The following GRIP1 variants were observed in gnomAD, a reference collection of about 807,000 sequenced individuals.
The protein encoded by GRIP1 is glutamate receptor interacting protein 1, also known as glutamate receptor-interacting protein 1.
GRIP1 carries 45 observed loss-of-function variants against 129.9 expected under a neutral mutation model. The observed-to-expected ratio is 0.35, with a 90% CI of 0.27 to 0.44. The LOEUF (loss-of-function observed/expected upper bound fraction) is 0.44, where lower values mean the gene tolerates loss of function less well. GRIP1 is among the 20% of genes least tolerant of loss of function. The probability of loss-of-function intolerance (pLI) is 1.00; values close to 1 mark genes in which losing one functional copy is unlikely to be tolerated. For missense variants in GRIP1, 1,196 were observed against 1,396.8 expected (o/e 0.86, Z 2.29); for synonymous variants, 530 against 520.8 (o/e 1.02, Z -0.24).
intron 2 of GRIP1, among the ~76,000 whole-genome samples, chr12:66,574,128 G>A (rs2063059203): frequency 6.6e-6 from 1 of 152,198 alleles, no homozygotes; most frequent in South Asian, 2.1e-4. Context: ...TAGGCTCTGT[G>A]TGGTATCAGC....
At chr12:66,678,474 T>C (rs1383566993) in intron 1 of GRIP1, among the ~76,000 whole-genome samples, 3 of 152,272 alleles carry the variant, frequency 2.0e-5, no homozygotes, top group African/African-American at 7.2e-5. Context: ...CTGCATTTAG[T>C]ATATGTATCA....
intron 1 of GRIP1, among the ~76,000 whole-genome samples, chr12:66,834,576 A>G (rs2039576731): frequency 6.6e-6 from 1 of 152,190 alleles, no homozygotes; most frequent in Admixed American, 6.5e-5. Context: ...AAAAGCCAAT[A>G]TGTTATCATT....
chr12:67,048,293 T>C (rs1354064967), intron 1 of GRIP1, among the ~76,000 whole-genome samples: 1 of 152,180 alleles, frequency 6.6e-6, no homozygotes, highest in East Asian at 1.9e-4. Flanking sequence ...AACATATACA[T>C]TGTAGAAACA....
chr12:66,450,794 G>GA (rs375041731), intron 11 of GRIP1, among the ~76,000 whole-genome samples: 1 of 151,754 alleles, frequency 6.6e-6, no homozygotes, highest in African/African-American at 2.4e-5. Flanking sequence ...TACCAGATAT[G>GA]AAAAAGATAT....
intron 1 of GRIP1, among the ~76,000 whole-genome samples, chr12:66,651,918 A>C (rs772097109): frequency 6.6e-6 from 1 of 152,124 alleles, no homozygotes; most frequent in Non-Finnish European, 1.5e-5. Flanking sequence ...AATGTACACC[A>C]TATTTTGAGA....
intron 7 of GRIP1, among the ~76,000 whole-genome samples, chr12:66,511,987 G>A (rs1254149229): frequency 1.3e-5 from 2 of 152,082 alleles, no homozygotes; most frequent in African/African-American, 4.8e-5. Context: ...CTGTTCTCAT[G>A]ATAGTGAGTG....
upstream of GRIP1, chr12:66,679,226 C>A: frequency 1.0e-6 from 1 of 968,248 alleles, no homozygotes; most frequent in Non-Finnish European, 1.4e-6. Flanking sequence ...TGTGAGGAGC[C>A]ATTCCATAAA....
At chr12:66,660,954 T>G (rs57326341) in intron 1 of GRIP1, among the ~76,000 whole-genome samples, 21,693 of 151,988 alleles carry the variant, frequency 0.14, 1,592 homozygotes, top group Admixed American at 0.16. Flanking sequence ...ATTATACAAA[T>G]ATATCATCTT....
At chr12:66,481,252 G>GA (rs150481355) in intron 7 of GRIP1, among the ~76,000 whole-genome samples, 38,540 of 138,700 alleles carry the variant, frequency 0.28, 5,328 homozygotes, top group Middle Eastern at 0.46. Context: ...AAATTCACAA[G>GA]AAAAAAAAAG....
chr12:67,032,815 C>T lies in GRIP1; in HGVS notation c.58+36235G>A, dbSNP rs77242523. 4.3e-3 allele frequency among the ~76,000 whole-genome samples: 656 copies of T among 152,076 alleles called. 8 individuals carry two copies. Among genetic ancestry groups the T allele is most frequent in the African/African-American group, 0.015 (607 of 41,488 alleles). The stretch of plus-strand genomic sequence containing the variant: ...ATGAAAGGTTCAAATGGAAGCAACA[C>T]GTATAATCTTAAATATTTCAGGAGC... On this transcript the variant is annotated intron_variant, in intron 1 of 1. Transcript: ENST00000643019.
At position 66,726,816 on chromosome 12, in the gene GRIP1, T is replaced by C. The variant is rs532103281; in HGVS notation, c.-420+77237A>G. On this transcript the variant is annotated intron_variant, in intron 1 of 4. Coordinates refer to the GRIP1 transcript ENST00000538373. ...TTAGCCACTATCTTCATTCTGCCCATTAAGTAAGATCGGCTGGATCCTAAA... is the reference window on the plus strand; with the variant it reads ...TTAGCCACTATCTTCATTCTGCCCACTAAGTAAGATCGGCTGGATCCTAAA... Among the ~76,000 whole-genome samples the C allele has an allele frequency of 2.6e-5, 4 of 152,324 alleles. No homozygotes were observed. In the East Asian group the frequency reaches 7.7e-4, roughly 29 times the overall value.
chr12:66,788,940 T>C (rs566918552), intron 1 of GRIP1, among the ~76,000 whole-genome samples: 1 of 152,248 alleles, frequency 6.6e-6, no homozygotes, highest in Non-Finnish European at 1.5e-5. Context: ...TGGGGTAATT[T>C]GTCATGCAGC....
chr12:66,406,243 A>G, intron 16 of GRIP1, 40 bp downstream of exon 16: 2 of 1,599,326 alleles, frequency 1.3e-6, no homozygotes, highest in Non-Finnish European at 1.7e-6. Context: ...ACAGATGGGC[A>G]GTTCGAAAAA....
intron 2 of GRIP1, among the ~76,000 whole-genome samples, chr12:66,593,350 C>T (rs183555022): frequency 4.0e-4 from 61 of 152,242 alleles, no homozygotes; most frequent in African/African-American, 1.4e-3. Flanking sequence ...AAAATAACTG[C>T]TGTAGTTATT....
At chr12:66,390,616 C>T (rs1051579641) in intron 19 of GRIP1, among the ~76,000 whole-genome samples, 3 of 152,210 alleles carry the variant, frequency 2.0e-5, no homozygotes, top group African/African-American at 7.2e-5. Flanking sequence ...TAAGGTCTTA[C>T]AGATCACCTT....
Position 66,892,727 on chromosome 12 carries a change from C to T in GRIP1, c.58+176323G>A, listed in dbSNP as rs2137237316. Among the ~76,000 whole-genome samples the T allele has an allele frequency of 2.0e-5, 3 of 152,210 alleles. No homozygotes were observed. In the South Asian group the frequency reaches 6.2e-4, roughly 32 times the overall value. On this transcript the variant is annotated intron_variant, in intron 1 of 1. Transcript: ENST00000643019. Reference sequence around the variant, plus strand: ...GTGCAATCCCTGCATTTTGGGAGGCCAAGGCAGGAGGACTGCTTGAGCCTA... The same window carrying T: ...GTGCAATCCCTGCATTTTGGGAGGCTAAGGCAGGAGGACTGCTTGAGCCTA...
chr12:66,970,373 G>A (rs968570358), intron 1 of GRIP1, among the ~76,000 whole-genome samples: 2 of 152,092 alleles, frequency 1.3e-5, no homozygotes, highest in African/African-American at 2.4e-5. Flanking sequence ...TGAGCCATGT[G>A]CCCAGCCTCA....
At chr12:66,393,648 T>C (rs2056679128) in intron 17 of GRIP1, among the ~76,000 whole-genome samples, 1 of 152,146 alleles carries the variant, frequency 6.6e-6, no homozygotes, top group Non-Finnish European at 1.5e-5. Context: ...ACAACACATC[T>C]CAGAAAGAAA....
At chr12:66,785,586 C>T (rs1467203687) in intron 1 of GRIP1, among the ~76,000 whole-genome samples, 1 of 151,740 alleles carries the variant, frequency 6.6e-6, no homozygotes, top group Non-Finnish European at 1.5e-5. Flanking sequence ...AAAATGTGTC[C>T]TTTTATTTAA....
Sources: gnomAD v4.1 joint callset for allele counts (sites outside exome capture counted in the v4.1 genomes callset) on GRCh38, gnomAD v4.1.1 for gene constraint, MANE v1.5 for transcripts, NCBI Gene and HGNC (gene_info 2026-07-23, HGNC 2026-07-21) for gene names.